Variants in NUP210L observed in about 807,000 individuals in gnomAD.
NUP210L encodes the protein nuclear pore membrane glycoprotein 210-like.
A neutral mutation model predicts 208.5 loss-of-function variants in NUP210L; 74 were observed. The ratio of observed to expected loss-of-function variants is 0.35; its 90% CI spans 0.29 to 0.43. The LOEUF (loss-of-function observed/expected upper bound fraction) is 0.43, where lower values mean the gene tolerates loss of function less well. Ranked by LOEUF, NUP210L falls within the 20% of genes least tolerant of loss-of-function variation. The pLI is 1.00. For synonymous variants in NUP210L, 780 were observed against 816.9 expected (o/e 0.95, Z 0.77); for missense variants, 1,843 against 2,289.4 (o/e 0.81, Z 3.98).
rs150365658 is a variant in NUP210L, at chr1:154,095,600, G to A, written c.1966-444C>T. 4.5e-4 allele frequency among the ~76,000 whole-genome samples: 69 copies of A among 152,188 alleles called. 1 individual carries two copies. The highest frequency in any genetic ancestry group is 8.4e-4 in the Non-Finnish European group (57 of 68,026). On this transcript the variant is annotated intron_variant, in intron 14 of 39. Coordinates refer to ENST00000368559, the Ensembl canonical transcript of NUP210L. ...TGTTTTAGTATTTCTCTTCTTCACT[G>A]GGATTTAGTACAATGTTGTGTGCAG...
intron 7 of NUP210L, among the ~76,000 whole-genome samples, chr1:154,135,335 A>G (rs915713105): frequency 3.3e-5 from 5 of 152,116 alleles, no homozygotes; most frequent in Admixed American, 1.3e-4. Flanking sequence ...CCTTTTCTCT[A>G]CTTACTCTGC....
intron 15 of NUP210L, among the ~76,000 whole-genome samples, chr1:154,090,242 C>T (rs944376003): frequency 2.0e-5 from 3 of 151,714 alleles, no homozygotes; most frequent in Non-Finnish European, 2.9e-5. Flanking sequence ...TAACTTTGAC[C>T]AATTATTTCA....
intron 35 of NUP210L, among the ~76,000 whole-genome samples, chr1:154,002,205 T>A (rs1031283633): frequency 4.6e-5 from 7 of 152,148 alleles, no homozygotes; most frequent in Non-Finnish European, 8.8e-5. Context: ...AAACTTGTTT[T>A]CTGAGAATAC....
chr1:154,010,122 C>G lies in NUP210L; in HGVS notation c.4781-1G>C, dbSNP rs754563399. On this transcript the variant is annotated splice_acceptor_variant, in intron 34 of 39. Coordinates refer to ENST00000368559, the Ensembl canonical transcript of NUP210L. LOFTEE classifies it high-confidence loss of function. Reference sequence around the variant, plus strand: ...AAGGCCTGGTTTGGGGTACAGAATCCTGAAAAGCAGAAAAGAGGTAAATAG... The same window carrying G: ...AAGGCCTGGTTTGGGGTACAGAATCGTGAAAAGCAGAAAAGAGGTAAATAG... 6.2e-7 allele frequency: 1 copy of G among 1,609,676 alleles called. No homozygotes were observed. Among genetic ancestry groups the G allele is most frequent in the Admixed American group, 1.7e-5 (1 of 58,942 alleles).
intron 27 of NUP210L, 35 bp from the exon 28 acceptor site, chr1:154,030,089 T>A (rs1043329860): frequency 7.1e-7 from 1 of 1,406,390 alleles, no homozygotes; most frequent in Non-Finnish European, 9.5e-7. Context: ...GAAATATTCA[T>A]CAATAAACAT....
chr1:154,005,517 C>T (rs1189243394), intron 35 of NUP210L, among the ~76,000 whole-genome samples: 3 of 151,952 alleles, frequency 2.0e-5, no homozygotes, highest in South Asian at 2.1e-4. Flanking sequence ...TGTGAGCCAC[C>T]GCGCCCAGTG....
chr1:154,045,156 A>G (rs1653104081), intron 27 of NUP210L, among the ~76,000 whole-genome samples: 1 of 152,156 alleles, frequency 6.6e-6, no homozygotes, highest in African/African-American at 2.4e-5. Context: ...TCAGCTGCCC[A>G]GTTGATAGGC....
chr1:154,056,422 T>A (rs951665342), intron 23 of NUP210L, among the ~76,000 whole-genome samples: 1 of 151,740 alleles, frequency 6.6e-6, no homozygotes, highest in Non-Finnish European at 1.5e-5. Flanking sequence ...AGTCAAATGA[T>A]TTTTTTTCTT....
rs1480908708 is a variant in NUP210L at position 154,049,051 on chromosome 1, G to A, written c.3484-2682C>T. ...CCTCCCTGTGAAATAACTATTCAGG[G>A]AAAGAAATTTAAAGGTTTGGTAGAT... On this transcript the variant is annotated intron_variant, in intron 25 of 39. Coordinates refer to ENST00000368559, the Ensembl canonical transcript of NUP210L. 3.3e-5 allele frequency among the ~76,000 whole-genome samples: 5 copies of A among 152,268 alleles called. 1 individual carries two copies. The highest frequency in any genetic ancestry group is 3.4e-3 in the Middle Eastern group (1 of 294).
chr1:154,114,169 G>A (rs879481502), intron 12 of NUP210L, among the ~76,000 whole-genome samples: 13 of 151,612 alleles, frequency 8.6e-5, no homozygotes, highest in South Asian at 2.1e-4. Context: ...TTTGCCAGGC[G>A]TAGTGGTACA....
At chr1:154,079,883 C>T (rs1318574484) in intron 16 of NUP210L, 1 of 152,250 alleles carries the variant, frequency 6.6e-6, no homozygotes, top group Non-Finnish European at 1.5e-5. Flanking sequence ...ATGTGGAGCA[C>T]AAGGCTGAAA....
chr1:154,084,265 G>T (rs1035237291), intron 16 of NUP210L, among the ~76,000 whole-genome samples: 15 of 150,184 alleles, frequency 1.0e-4, no homozygotes, highest in Non-Finnish European at 1.8e-4. Flanking sequence ...AAACTGGAGT[G>T]CAGTGGTGTG....
intron 16 of NUP210L, among the ~76,000 whole-genome samples, chr1:154,081,577 AG>A (rs1490599164): frequency 6.6e-6 from 1 of 152,232 alleles, no homozygotes; most frequent in Non-Finnish European, 1.5e-5. Context: ...AGGTGATAGC[AG>A]CCCCACCTCC....
At chr1:154,070,308 G>A in exon 17 of NUP210L, 1 of 1,610,224 alleles carries the variant, frequency 6.2e-7, no homozygotes, top group South Asian at 1.1e-5. Context: ...ATCATCTTTT[G>A]CTACCATTTC....
In NUP210L at chr1:154,050,782, C is replaced by T. The variant is rs187115351; in HGVS notation, c.3483+3446G>A. ...TTGAAATTAACTAATTGGATTCTCC[C>T]TAAAATAATTAAATTTAAACCAATT... is the stretch of plus-strand genomic sequence containing the variant. On this transcript the variant is annotated intron_variant, in intron 25 of 39. Coordinates refer to ENST00000368559, the Ensembl canonical transcript of NUP210L. 1.8e-3 allele frequency among the ~76,000 whole-genome samples: 270 copies of T among 152,222 alleles called. 1 individual carries two copies. Among genetic ancestry groups the T allele is most frequent in the African/African-American group, 6.3e-3 (260 of 41,522 alleles).
In NUP210L at chr1:154,060,837, C is replaced by T. The variant is rs114360767; in HGVS notation, c.2748+105G>A. On this transcript the variant is annotated intron_variant, in intron 19 of 39. Transcript: ENST00000368559. ...ATATATGTGTTTTACATATATGTATCAATTATTTTCAACACATAAGTAAGT... is the reference window on the plus strand; with the variant it reads ...ATATATGTGTTTTACATATATGTATTAATTATTTTCAACACATAAGTAAGT... 3.2e-3 allele frequency: 2,599 copies of T among 816,426 alleles called. 62 individuals carry two copies. In the African/African-American group the frequency reaches 0.04, roughly 12 times the overall value. The allele number at this position is 816,426 out of a possible 1,614,324, so 50.6% of individuals were successfully genotyped here.
At chr1:154,001,744 C>T (rs910400830) in exon 36 of NUP210L, 1 of 1,614,118 alleles carries the variant, frequency 6.2e-7, no homozygotes, top group Non-Finnish European at 8.5e-7. Flanking sequence ...CCTCTAGCTT[C>T]CTAAGAACTC....
rs367543441 is a variant in NUP210L, at chr1:153,992,969, C to T, written c.5567-34G>A. 24 of 1,606,826 alleles carry T rather than the reference C, an allele frequency of 1.5e-5. 1 individual carries two copies. The highest frequency in any genetic ancestry group is 8.5e-5 in the Admixed American group (5 of 58,810). The stretch of plus-strand genomic sequence containing the variant: ...AGAGGGAAAAGTTGAGTGAATTAAA[C>T]GTGTGTATCTGAGCTTTTCAAAGAT... On this transcript the variant is annotated intron_variant, in intron 39 of 39. Coordinates refer to ENST00000368559, the Ensembl canonical transcript of NUP210L.
intron 12 of NUP210L, 88 bp downstream of exon 12, chr1:154,117,637 G>T: frequency 9.9e-7 from 1 of 1,013,540 alleles, no homozygotes; most frequent in African/African-American, 1.7e-5. Flanking sequence ...AAATAGCCAT[G>T]TTGGGCTCTT....
Sources: allele counts gnomAD v4.1 joint callset (sites outside exome capture counted in the v4.1 genomes callset), GRCh38; gene constraint gnomAD v4.1.1; transcripts MANE v1.5; gene names NCBI Gene and HGNC (gene_info 2026-07-23, HGNC 2026-07-21).